TRNT1: variants seen among roughly 807,000 people sequenced by gnomAD.
TRNT1 encodes the protein tRNA nucleotidyl transferase 1.
In TRNT1, 44 loss-of-function variants were observed where a neutral mutation model predicts 45.6. That is an observed-to-expected ratio of 0.97 (90% CI 0.76 to 1.24). The LOEUF is 1.24. Ranked by LOEUF, TRNT1 falls within the 50% of genes most tolerant of loss-of-function variation. The probability of loss-of-function intolerance (pLI) is 0.00; values close to 1 mark genes in which losing one functional copy is unlikely to be tolerated. For missense variants in TRNT1, 633 were observed against 504.4 expected (o/e 1.25, Z -2.44); for synonymous variants, 201 against 171.4 (o/e 1.17, Z -1.35).
intron 4 of TRNT1, among the ~76,000 whole-genome samples, chr3:3,141,253 G>A (rs569388419): frequency 1.3e-4 from 20 of 152,322 alleles, no homozygotes; most frequent in African/African-American, 4.8e-4. Flanking sequence ...CACTCAGTCA[G>A]TGCTAACTTC....
downstream of TRNT1, chr3:3,152,924 T>C (rs1436949830): frequency 1.2e-5 from 4 of 343,502 alleles, no homozygotes; most frequent in Non-Finnish European, 2.2e-5. Context: ...GACAAGGTCC[T>C]GTGTGGTCAT....
Position 3,147,611 on chromosome 3 carries a change from C to T in TRNT1, c.964C>T (p.Leu322Phe), listed in dbSNP as rs1706131184. Residue 322 changes from leucine to phenylalanine, a missense_variant, in exon 7 of 8, where the codon CTT becomes TTT. Leu to Phe is a conservative substitution (Grantham distance 22, BLOSUM62 0). Coordinates refer to ENST00000251607, the MANE Select transcript of TRNT1 (RefSeq NM_182916.3). The part of the protein sequence containing the change: ...RLKIAKEEKN[L>F]GLFIVKNRKD... ...GAAGATCGCAAAAGAGGAGAAAAAC[C>T]TTGGCTTATTTATAGTTAAAAATAG... 4 of 1,613,712 alleles carry T rather than the reference C, an allele frequency of 2.5e-6. No homozygotes were observed. The highest frequency in any genetic ancestry group is 1.3e-5 in the African/African-American group (1 of 74,878).
At chr3:3,141,461 T>C (rs1575056589) in intron 4 of TRNT1, among the ~76,000 whole-genome samples, 1 of 152,234 alleles carries the variant, frequency 6.6e-6, no homozygotes, top group East Asian at 1.9e-4. Context: ...TTTTTACTGC[T>C]GAGCCTACAC....
intron 4 of TRNT1, among the ~76,000 whole-genome samples, chr3:3,141,919 C>G (rs1705679828): frequency 6.6e-6 from 1 of 152,188 alleles, no homozygotes; most frequent in Non-Finnish European, 1.5e-5. Context: ...TTTCATTAAA[C>G]TCTCAGAAAA....
intron 2 of TRNT1, among the ~76,000 whole-genome samples, chr3:3,134,778 GAATAA>G (rs1187432130): frequency 6.6e-6 from 1 of 152,110 alleles, no homozygotes; most frequent in Non-Finnish European, 1.5e-5. Flanking sequence ...GTATAAAGAT[GAATAA>G]GATAGGTTTT....
In TRNT1 at chr3:3,147,625, AG is replaced by A; in HGVS notation, c.979del (p.Val327LeufsTer7). 1.2e-6 allele frequency: 2 copies of A among 1,613,890 alleles called. No homozygotes were observed. The highest frequency in any genetic ancestry group is 1.7e-6 in the Non-Finnish European group (2 of 1,179,800). On this transcript the variant is annotated frameshift_variant, in exon 7 of 8. Coordinates refer to ENST00000251607, the MANE Select transcript of TRNT1 (RefSeq NM_182916.3). LOFTEE classifies it high-confidence loss of function. The part of the protein sequence containing the change: ...KEEKNLGLFI[V>X]KNRKDLIKAT... The stretch of plus-strand genomic sequence containing the variant: ...AGGAGAAAAACCTTGGCTTATTTAT[AG>A]TTAAAAATAGGAAAGATTTAATTAA...
At chr3:3,142,618 C>T (rs1002019537) in intron 4 of TRNT1, among the ~76,000 whole-genome samples, 2 of 152,098 alleles carry the variant, frequency 1.3e-5, no homozygotes, top group African/African-American at 2.4e-5. Context: ...TGGCTTTTTC[C>T]AAGCCTTATT....
At chr3:3,128,733 C>A (rs1257891551) in intron 1 of TRNT1, among the ~76,000 whole-genome samples, 1 of 151,558 alleles carries the variant, frequency 6.6e-6, no homozygotes, top group Non-Finnish European at 1.5e-5. Flanking sequence ...CTGGCTCTTT[C>A]AGCTTTTAAT....
chr3:3,127,228 C>A (rs1324172288), intron 1 of TRNT1: 2 of 152,286 alleles, frequency 1.3e-5, no homozygotes, highest in Middle Eastern at 3.2e-3. Context: ...ACTTTCCCCT[C>A]CGCGCGGACG....
In TRNT1 at chr3:3,147,532, T is replaced by C. The variant is rs747603797; in HGVS notation, c.885T>C (p.Leu295=). The change falls in exon 7 of 8, where the codon CTT becomes CTC. Residue 295 remains leucine (L), a synonymous_variant. Coordinates refer to ENST00000251607, the MANE Select transcript of TRNT1 (RefSeq NM_182916.3). ...VDGFSPKPVT[L]LASLFKVQDD... ...GTTTTTCACCAAAGCCAGTGACTCT[T>C]TTGGCCTCATTATTCAAAGTACAAG... 37 of 1,613,854 alleles carry C rather than the reference T, an allele frequency of 2.3e-5. No homozygotes were observed. The highest frequency in any genetic ancestry group is 6.7e-5 in the Admixed American group (4 of 59,998).
At chr3:3,136,723 T>C (rs1206314607) in intron 2 of TRNT1, 2 of 412,808 alleles carry the variant, frequency 4.8e-6, no homozygotes, top group Non-Finnish European at 9.5e-6. Context: ...GGCACGATCA[T>C]AGCTCACCGC....
At chr3:3,147,869 T>C (rs761764587) in intron 7 of TRNT1, 37 bp from the exon 8 acceptor site, 30 of 1,587,202 alleles carry the variant, frequency 1.9e-5, no homozygotes, top group Middle Eastern at 1.7e-4. Context: ...TATGTTTTCA[T>C]GTGTGACGAA....
chr3:3,134,023 A>T (rs1705172979), intron 2 of TRNT1, among the ~76,000 whole-genome samples: 1 of 152,194 alleles, frequency 6.6e-6, no homozygotes, highest in Admixed American at 6.5e-5. Flanking sequence ...AATAATTAAC[A>T]ATTGCTTACT....
rs1475641700 is a variant in TRNT1, at chr3:3,140,604, A to G, written c.437A>G (p.Lys146Arg). Reference protein sequence around the residue: ...AEVEFTTDWQKDAERRDLTIN... With the variant: ...AEVEFTTDWQRDAERRDLTIN... ...GTAGAATTTACAACTGACTGGCAGA[A>G]AGATGCGGAACGCAGAGATCTCACT... is the stretch of plus-strand genomic sequence containing the variant. The change falls in exon 4 of 8, where the codon AAA becomes AGA. Residue 146 changes from lysine to arginine, a missense_variant. Transcript: ENST00000251607. The G allele has an allele frequency of 6.2e-7, 1 of 1,614,188 alleles. No individual in the cohort carries two copies. The highest frequency in any genetic ancestry group is 2.2e-5 in the East Asian group (1 of 44,862).
chr3:3,149,094 C>G (rs1200728085), downstream of TRNT1: 1 of 151,964 alleles, frequency 6.6e-6, no homozygotes, highest in African/African-American at 2.4e-5. Context: ...TTCTGTGTAG[C>G]CAGTCATAAC....
chr3:3,135,948 T>C (rs1335806524), intron 2 of TRNT1, among the ~76,000 whole-genome samples: 1 of 152,102 alleles, frequency 6.6e-6, no homozygotes, highest in Admixed American at 6.6e-5. Flanking sequence ...TGGGCTTGTA[T>C]TGGGTCATTT....
At chr3:3,152,770 G>A (rs549820917), downstream of TRNT1, among the ~76,000 whole-genome samples, 36 of 152,248 alleles carry the variant, frequency 2.4e-4, no homozygotes, top group Non-Finnish European at 4.4e-4. Context: ...CTGGCAGACA[G>A]GCCTGTTTTG....
In TRNT1 at chr3:3,147,701, G is replaced by C. The variant is rs1170870898; in HGVS notation, c.1054G>C (p.Asp352His). 3.7e-6 allele frequency: 6 copies of C among 1,608,872 alleles called. No homozygotes were observed. The highest frequency in any genetic ancestry group is 5.1e-6 in the Non-Finnish European group (6 of 1,177,486). ...GAAACCCTATCAAGACTTCATTATA[G>C]ATGTAAGTATATACTAGGCTTGGTC... ...PLKPYQDFII[D>H]SREPDATTRV... Residue 352 changes from aspartate (D) to histidine (H), a missense_variant and splice_region_variant, in exon 7 of 8, where the codon GAT (aspartate) becomes CAT (histidine). Asp to His is a moderately conservative substitution (Grantham distance 81). Coordinates refer to ENST00000251607, the MANE Select transcript of TRNT1 (RefSeq NM_182916.3).
intron 7 of TRNT1, 81 bp downstream of exon 7, chr3:3,147,784 A>G (rs953736702): frequency 2.0e-6 from 3 of 1,522,428 alleles, no homozygotes; most frequent in South Asian, 2.7e-5. Context: ...AAGATCTACA[A>G]ATCTGTGAAT....
Sources: gnomAD v4.1 joint callset for allele counts (sites outside exome capture counted in the v4.1 genomes callset) on GRCh38, gnomAD v4.1.1 for gene constraint, MANE v1.5 for transcripts, NCBI Gene and HGNC (gene_info 2026-07-23, HGNC 2026-07-21) for gene names.